NCK2: variants seen among roughly 807,000 people sequenced by gnomAD.
NCK2 encodes cytoplasmic protein NCK2.
Under a neutral mutation model 33.9 loss-of-function variants are expected in NCK2, and 16 were observed. The ratio of observed to expected loss-of-function variants is 0.47; its 90% CI spans 0.32 to 0.72. The LOEUF is 0.72. NCK2 is among the 30% of genes least tolerant of loss of function. The pLI is 0.03. For missense variants in NCK2, 418 were observed against 537.3 expected (o/e 0.78, Z 2.19); for synonymous variants, 273 against 239.9 (o/e 1.14, Z -1.27).
intron 2 of NCK2, among the ~76,000 whole-genome samples, chr2:105,825,989 G>A (rs1166791750): frequency 6.6e-6 from 1 of 152,184 alleles, no homozygotes; most frequent in African/African-American, 2.4e-5. Flanking sequence ...TAACTCTAGA[G>A]CAGATTGCTA....
intron 1 of NCK2, among the ~76,000 whole-genome samples, chr2:105,799,169 G>T (rs1691182090): frequency 6.6e-6 from 1 of 151,858 alleles, no homozygotes; most frequent in Non-Finnish European, 1.5e-5. Flanking sequence ...TTTGTCTTTG[G>T]AATCTATCTG....
At chr2:105,790,285 C>T (rs1403567993) in intron 1 of NCK2, among the ~76,000 whole-genome samples, 5 of 152,238 alleles carry the variant, frequency 3.3e-5, no homozygotes, top group Admixed American at 2.0e-4. Context: ...CTGCAGCTCT[C>T]GTCATTGCCC....
intron 2 of NCK2, among the ~76,000 whole-genome samples, chr2:105,829,869 T>C (rs1158730825): frequency 6.6e-6 from 1 of 152,242 alleles, no homozygotes; most frequent in Non-Finnish European, 1.5e-5. Flanking sequence ...TTTAGAGTTA[T>C]TCTTCCAACA....
intron 3 of NCK2, among the ~76,000 whole-genome samples, chr2:105,861,268 A>G (rs1292606078): frequency 2.0e-5 from 3 of 152,210 alleles, no homozygotes; most frequent in Admixed American, 1.3e-4. Context: ...GGTTTTAACA[A>G]TAGATGCCCT....
rs529266260 is a variant in NCK2 at position 105,761,462 on chromosome 2, G to C, written c.-201+16324G>C. ...TCCAGGCTTGGGTGGAAGGCCAGGT[G>C]GGGGGACACTACTTCCTGCTCCACC... is the stretch of plus-strand genomic sequence containing the variant. On this transcript the variant is annotated intron_variant, in intron 1 of 4. Transcript: ENST00000233154. Among the ~76,000 whole-genome samples the C allele has an allele frequency of 2.6e-5, 4 of 152,278 alleles. No individual in the cohort carries two copies. In the South Asian group the frequency reaches 6.2e-4, roughly 24 times the overall value.
chr2:105,874,695 G>A (rs1429422799), intron 3 of NCK2, among the ~76,000 whole-genome samples: 3 of 152,202 alleles, frequency 2.0e-5, no homozygotes, highest in African/African-American at 7.2e-5. Context: ...AAGATGACAG[G>A]CAGAGCATGT....
chr2:105,828,530 C>T (rs191390474), intron 2 of NCK2, among the ~76,000 whole-genome samples: 9 of 152,130 alleles, frequency 5.9e-5, no homozygotes, highest in African/African-American at 1.7e-4. Context: ...GACTTTGTCT[C>T]GACTCTGAAG....
At chr2:105,867,434 T>C (rs1677807723) in intron 3 of NCK2, among the ~76,000 whole-genome samples, 1 of 137,022 alleles carries the variant, frequency 7.3e-6, no homozygotes, top group Admixed American at 7.1e-5. Context: ...CCAAAATAAA[T>C]GTGGGTTTGT....
intron 2 of NCK2, among the ~76,000 whole-genome samples, chr2:105,836,278 GT>G (rs1376848899): frequency 4.0e-5 from 6 of 151,840 alleles, no homozygotes. Flanking sequence ...AGGGAACAGA[GT>G]TTTTTGTAGA....
At position 105,823,953 on chromosome 2, in the gene NCK2, T is replaced by C. The variant is rs573201621; in HGVS notation, c.-17+7340T>C. On this transcript the variant is annotated intron_variant, in intron 2 of 4. Coordinates refer to ENST00000233154, the MANE Select transcript of NCK2 (RefSeq NM_003581.5). ...CCCAGGTCACAGTGTGAACAACCCA[T>C]GGTCCGGAGCAGTCCCTGGCCGGCG... Among the ~76,000 whole-genome samples, 11 of 152,192 alleles carry C rather than the reference T, an allele frequency of 7.2e-5. No individual in the cohort carries two copies. The East Asian group carries it at 1.9e-3, about 27-fold the overall frequency.
At chr2:105,835,916 T>C (rs1015899304) in intron 2 of NCK2, among the ~76,000 whole-genome samples, 1 of 151,640 alleles carries the variant, frequency 6.6e-6, no homozygotes, top group Non-Finnish European at 1.5e-5. Flanking sequence ...TAGTCTCTTT[T>C]TGAGGCTCTC....
intron 1 of NCK2, among the ~76,000 whole-genome samples, chr2:105,805,344 C>T (rs1674993188): frequency 6.6e-6 from 1 of 152,000 alleles, no homozygotes; most frequent in Admixed American, 6.6e-5. Flanking sequence ...CATACCTTGA[C>T]CATTTTAGGA....
intron 3 of NCK2, among the ~76,000 whole-genome samples, chr2:105,866,982 T>C (rs968871781): frequency 2.1e-4 from 32 of 152,182 alleles, no homozygotes; most frequent in African/African-American, 6.8e-4. Context: ...TTGAATGTTC[T>C]TCAGGAATGA....
intron 2 of NCK2, among the ~76,000 whole-genome samples, chr2:105,820,751 G>A (rs147096563): frequency 6.6e-6 from 1 of 152,228 alleles, no homozygotes; most frequent in Non-Finnish European, 1.5e-5. Context: ...GGCCTTGTCT[G>A]CTATGCTGCA....
In NCK2 at chr2:105,881,797, C is replaced by T; in HGVS notation, c.696C>T (p.Pro232=). 6.2e-7 allele frequency: 1 copy of T among 1,612,302 alleles called. No individual in the cohort carries two copies. Among genetic ancestry groups the T allele is most frequent in the Non-Finnish European group, 8.5e-7 (1 of 1,179,144 alleles). The change falls in exon 4 of 5, where the codon CCC becomes CCT. Residue 232 remains proline (P), a synonymous_variant. Coordinates refer to ENST00000233154, the MANE Select transcript of NCK2 (RefSeq NM_003581.5). Reference sequence around the variant, plus strand: ...TGATTGAGAAGCCGGAGAACGACCCCGAGTGGTGGAAATGCAAAAATGCCC... The same window carrying T: ...TGATTGAGAAGCCGGAGAACGACCCTGAGTGGTGGAAATGCAAAAATGCCC... ...MEVIEKPEND[P]EWWKCKNARG...
At chr2:105,863,839 C>T (rs78621533) in intron 3 of NCK2, among the ~76,000 whole-genome samples, 117 of 152,286 alleles carry the variant, frequency 7.7e-4, no homozygotes, top group African/African-American at 2.5e-3. Flanking sequence ...TTTGAACAAG[C>T]CGCTGAAGCT....
chr2:105,827,896 G>T (rs1676014314), intron 2 of NCK2, among the ~76,000 whole-genome samples: 1 of 152,078 alleles, frequency 6.6e-6, no homozygotes, highest in Non-Finnish European at 1.5e-5. Context: ...TGGCATGGTG[G>T]TTATAGGAGT....
At chr2:105,777,193 C>G (rs1284792926) in intron 1 of NCK2, among the ~76,000 whole-genome samples, 2 of 152,116 alleles carry the variant, frequency 1.3e-5, no homozygotes, top group African/African-American at 4.8e-5. Context: ...GAACCTTCTA[C>G]TCTCGTCACT....
intron 1 of NCK2, among the ~76,000 whole-genome samples, chr2:105,809,952 G>A (rs939313673): frequency 2.6e-5 from 4 of 152,148 alleles, no homozygotes; most frequent in African/African-American, 7.2e-5. Flanking sequence ...GGGAGCGAGC[G>A]GGACTCTGTT....
Sources: allele counts gnomAD v4.1 joint callset (sites outside exome capture counted in the v4.1 genomes callset), GRCh38; gene constraint gnomAD v4.1.1; transcripts MANE v1.5; gene names NCBI Gene and HGNC (gene_info 2026-07-23, HGNC 2026-07-21).